Variants in PRSS55 observed in about 807,000 individuals in gnomAD.
PRSS55 encodes the protein serine protease 55.
Under a neutral mutation model 23.6 loss-of-function variants are expected in PRSS55, and 41 were observed. The ratio of observed to expected loss-of-function variants is 1.74; its 90% CI spans 1.35 to 2.26. PRSS55 has a LOEUF of 2.26. Ranked by LOEUF, PRSS55 falls within the 30% of genes most tolerant of loss-of-function variation. The probability of loss-of-function intolerance (pLI) is 0.00; values close to 1 mark genes in which losing one functional copy is unlikely to be tolerated. For missense variants in PRSS55, 669 were observed against 439.1 expected, an observed-to-expected ratio of 1.52 and a Z score of -4.68; for synonymous variants, 262 against 175.5, an observed-to-expected ratio of 1.49 and a Z score of -3.90.
intron 4 of PRSS55, among the ~76,000 whole-genome samples, chr8:10,548,968 G>A (rs1210147596): frequency 6.6e-6 from 1 of 152,150 alleles, no homozygotes; most frequent in Non-Finnish European, 1.5e-5. Context: ...GTGTCTTATC[G>A]GAACGCAGCC....
chr8:10,530,381 A>G (rs1177241675), intron 2 of PRSS55, among the ~76,000 whole-genome samples: 1 of 152,256 alleles, frequency 6.6e-6, no homozygotes, highest in Non-Finnish European at 1.5e-5. Flanking sequence ...AGGCTGAGAC[A>G]GGAGAGTTGC....
At position 10,529,501 on chromosome 8, in the gene PRSS55, C is replaced by A. The variant is rs777319625; in HGVS notation, c.155-6C>A. On this transcript the variant is annotated splice_polypyrimidine_tract_variant and splice_region_variant and intron_variant, in intron 1 of 4. Transcript: ENST00000328655. ...TTTTCCTTTCCACTCTCTTTCTTTCCACCAGAATGTGGTGACAGATCTATT... is the reference window on the plus strand; with the variant it reads ...TTTTCCTTTCCACTCTCTTTCTTTCAACCAGAATGTGGTGACAGATCTATT... 6.2e-7 allele frequency: 1 copy of A among 1,613,832 alleles called. No homozygotes were observed. Among genetic ancestry groups the A allele is most frequent in the Non-Finnish European group, 8.5e-7 (1 of 1,179,730 alleles).
intron 1 of PRSS55, 62 bp downstream of exon 1, chr8:10,525,801 G>A: frequency 2.7e-6 from 4 of 1,507,090 alleles, no homozygotes; most frequent in Non-Finnish European, 3.6e-6. Flanking sequence ...TGGCTGCCAG[G>A]AGGGTGGATC....
chr8:10,553,626 G>C (rs1295227101), intron 4 of PRSS55, among the ~76,000 whole-genome samples: 1 of 152,232 alleles, frequency 6.6e-6, no homozygotes, highest in African/African-American at 2.4e-5. Flanking sequence ...GAGTAGAATG[G>C]TGGTTATGAG....
chr8:10,530,085 C>A (rs1252164269), intron 2 of PRSS55, among the ~76,000 whole-genome samples: 1 of 152,248 alleles, frequency 6.6e-6, no homozygotes, highest in African/African-American at 2.4e-5. Flanking sequence ...TACTCTCCTG[C>A]TCCTTGTAGA....
chr8:10,537,711 AC>A (rs746409251), intron 4 of PRSS55, among the ~76,000 whole-genome samples: 3 of 152,208 alleles, frequency 2.0e-5, no homozygotes, highest in Non-Finnish European at 4.4e-5. Flanking sequence ...TACCTCATAA[AC>A]ATACAAAACT....
chr8:10,525,871 C>A (rs536398934), intron 1 of PRSS55, 132 bp downstream of exon 1: 17 of 969,106 alleles, frequency 1.8e-5, no homozygotes, highest in African/African-American at 1.1e-4. Context: ...AACCACTTGT[C>A]CTTTCTCTCC....
intron 2 of PRSS55, among the ~76,000 whole-genome samples, chr8:10,531,077 T>A (rs983029028): frequency 1.3e-5 from 2 of 151,050 alleles, no homozygotes; most frequent in African/African-American, 4.9e-5. Context: ...GGTGCAGTGG[T>A]CTGGCTGTGG....
At chr8:10,548,391 G>A (rs906433833) in intron 4 of PRSS55, among the ~76,000 whole-genome samples, 1 of 152,150 alleles carries the variant, frequency 6.6e-6, no homozygotes, top group East Asian at 1.9e-4. Context: ...GCTGGCTGGA[G>A]CCTTCCAGGA....
chr8:10,543,626 T>C (rs750805374), downstream of PRSS55, among the ~76,000 whole-genome samples: 4 of 151,860 alleles, frequency 2.6e-5, no homozygotes, highest in African/African-American at 4.8e-5. Context: ...ATTTTTACTT[T>C]TATGAGATGA....
intron 1 of PRSS55, among the ~76,000 whole-genome samples, chr8:10,529,103 G>A (rs940925232): frequency 1.3e-5 from 2 of 152,064 alleles, no homozygotes; most frequent in Non-Finnish European, 2.9e-5. Flanking sequence ...TAAAATATTC[G>A]CAGGTTCTGG....
At chr8:10,537,707 A>C (rs1812504836) in intron 4 of PRSS55, among the ~76,000 whole-genome samples, 1 of 152,248 alleles carries the variant, frequency 6.6e-6, no homozygotes, top group African/African-American at 2.4e-5. Context: ...CGTGTACCTC[A>C]TAAACATACA....
chr8:10,550,071 A>C (rs1367481496), intron 4 of PRSS55, among the ~76,000 whole-genome samples: 1 of 152,112 alleles, frequency 6.6e-6, no homozygotes, highest in East Asian at 1.9e-4. Context: ...GGTGCGCGCC[A>C]CCATGCCCTG....
chr8:10,531,489 C>G lies in PRSS55; in HGVS notation c.542C>G (p.Pro181Arg). 6.2e-7 allele frequency: 1 copy of G among 1,613,954 alleles called. No homozygotes were observed. The highest frequency in any genetic ancestry group is 8.5e-7 in the Non-Finnish European group (1 of 1,180,056). ...GTGCCCATCTGCCTCCCCACGCAGC[C>G]CGGCCCTGCCACATGGCGCGAATGC... ...LKVPICLPTQ[P>R]GPATWRECWV... Residue 181 changes from proline to arginine, a missense_variant, in exon 3 of 5, where the codon CCC becomes CGC. Coordinates refer to ENST00000328655, the MANE Select transcript of PRSS55 (RefSeq NM_198464.4).
Position 10,551,724 on chromosome 8 carries a change from T to G in PRSS55, c.742-2219T>G, listed in dbSNP as rs934067954. On this transcript the variant is annotated intron_variant, in intron 4 of 4. Coordinates refer to the PRSS55 transcript ENST00000522210. ...CATCTGCACGGGCTCTGAGAGCACT[T>G]GGTGATGGGGAGAAGCTCCCACCCC... Among the ~76,000 whole-genome samples, 13 of 152,314 alleles carry G rather than the reference T, an allele frequency of 8.5e-5. No individual in the cohort carries two copies. In the East Asian group the frequency reaches 1.7e-3, roughly 20 times the overall value.
At chr8:10,544,394 C>G (rs1294579739) in intron 4 of PRSS55, among the ~76,000 whole-genome samples, 1 of 129,464 alleles carries the variant, frequency 7.7e-6, no homozygotes, top group African/African-American at 3.1e-5. Context: ...TATTTTTAAC[C>G]TACTTATATA....
At chr8:10,545,087 T>C (rs758512708) in intron 4 of PRSS55, 3 of 840,276 alleles carry the variant, frequency 3.6e-6, no homozygotes, top group Non-Finnish European at 4.3e-6. Context: ...TTTTGGTTTT[T>C]GGTTTTGCTT....
chr8:10,539,484 A>G (rs1812581761), downstream of PRSS55, among the ~76,000 whole-genome samples: 1 of 152,206 alleles, frequency 6.6e-6, no homozygotes, highest in South Asian at 2.1e-4. Context: ...TAACCCTTCT[A>G]TGGAGCATGT....
At position 10,529,488 on chromosome 8, in the gene PRSS55, C is replaced by G. The variant is rs1043277310; in HGVS notation, c.155-19C>G. On this transcript the variant is annotated intron_variant, in intron 1 of 4. Coordinates refer to ENST00000328655, the MANE Select transcript of PRSS55 (RefSeq NM_198464.4). The stretch of plus-strand genomic sequence containing the variant: ...TAAGTGTTTCCCCTTTTCCTTTCCA[C>G]TCTCTTTCTTTCCACCAGAATGTGG... 5.6e-6 allele frequency: 9 copies of G among 1,613,082 alleles called. No homozygotes were observed. The East Asian group carries it at 1.8e-4, about 32-fold the overall frequency.
Sources: allele counts gnomAD v4.1 joint callset (sites outside exome capture counted in the v4.1 genomes callset), GRCh38; gene constraint gnomAD v4.1.1; transcripts MANE v1.5; gene names NCBI Gene and HGNC (gene_info 2026-07-23, HGNC 2026-07-21).